Variants in MMEL1 observed in about 807,000 individuals in gnomAD.
MMEL1 encodes the protein membrane metalloendopeptidase like 1.
Under a neutral mutation model 117.1 loss-of-function variants are expected in MMEL1, and 98 were observed. The ratio of observed to expected loss-of-function variants is 0.84; its 90% CI spans 0.71 to 0.99. The LOEUF is 0.99. Ranked by LOEUF, MMEL1 falls within the 50% of genes least tolerant of loss-of-function variation. MMEL1 has a pLI of 0.00. For missense variants in MMEL1, 1,014 were observed against 1,049.1 expected, an observed-to-expected ratio of 0.97 and a Z score of 0.46; for synonymous variants, 390 against 415.1, an observed-to-expected ratio of 0.94 and a Z score of 0.74.
intron 2 of MMEL1, among the ~76,000 whole-genome samples, chr1:2,617,735 C>T (rs900028777): frequency 5.9e-5 from 9 of 152,150 alleles, no homozygotes; most frequent in Non-Finnish European, 8.8e-5. Context: ...TACTGGCATT[C>T]GACAGCTCTG....
At position 2,593,795 on chromosome 1, in the gene MMEL1, T is replaced by C. The variant is rs757001507; in HGVS notation, c.1867+19A>G. 8 of 1,585,538 alleles carry C rather than the reference T, an allele frequency of 5.0e-6. No homozygotes were observed. Among genetic ancestry groups the C allele is most frequent in the Non-Finnish European group, 6.9e-6 (8 of 1,163,094 alleles). On this transcript the variant is annotated intron_variant, in intron 19 of 23. Coordinates refer to ENST00000378412, the MANE Select transcript of MMEL1 (RefSeq NM_033467.4). ...GCGGAGAGGGGAGGGCGTGTGTGAT[T>C]GGAGGGGCGGCCGCTCACCATTGTC...
intron 12 of MMEL1, 119 bp downstream of exon 12, chr1:2,598,535 A>C (rs1307208334): frequency 6.7e-7 from 1 of 1,496,398 alleles, no homozygotes; most frequent in African/African-American, 1.4e-5. Context: ...CTCATGTCCC[A>C]CACCCCTCAG....
At chr1:2,630,580 T>G (rs1045362877) in intron 1 of MMEL1, among the ~76,000 whole-genome samples, 2 of 126,036 alleles carry the variant, frequency 1.6e-5, no homozygotes, top group African/African-American at 5.2e-5. Context: ...TGTGAGTGAG[T>G]GTGCACGTGT....
At chr1:2,607,447 G>T (rs10910106) in intron 6 of MMEL1, among the ~76,000 whole-genome samples, 58,392 of 149,480 alleles carry the variant, frequency 0.39, 12,070 homozygotes, top group East Asian at 0.51. Flanking sequence ...CCAAGCCTCG[G>T]CGAGGACTCA....
At chr1:2,591,291 A>C in intron 23 of MMEL1, 1 of 595,482 alleles carries the variant, frequency 1.7e-6, no homozygotes, top group East Asian at 2.8e-5. Context: ...CTCCAGCCAG[A>C]GATATTCCAA....
At chr1:2,591,671 G>T in intron 22 of MMEL1, 38 bp from the exon 23 acceptor site, 1 of 1,545,372 alleles carries the variant, frequency 6.5e-7, no homozygotes, top group Non-Finnish European at 8.9e-7. Context: ...AGGTGGCGTG[G>T]TGGGGTGGCC....
intron 2 of MMEL1, among the ~76,000 whole-genome samples, chr1:2,629,028 CGGCGGAGGCGGA>C (rs540228927): frequency 0.012 from 1,787 of 151,680 alleles, 39 homozygotes; most frequent in African/African-American, 0.039. Context: ...TCCGGGAGTC[CGGCGGAGGCGGA>C]GGCGGAGGCG....
chr1:2,626,495 G>A (rs1338590750), intron 2 of MMEL1, among the ~76,000 whole-genome samples: 5 of 152,248 alleles, frequency 3.3e-5, no homozygotes, highest in African/African-American at 1.2e-4. Flanking sequence ...GTCCTAGCAG[G>A]AAAGTAGCCA....
At chr1:2,629,579 C>CT (rs772584652) in intron 1 of MMEL1, 58 bp from the exon 2 acceptor site, 3 of 1,358,854 alleles carry the variant, frequency 2.2e-6, no homozygotes, top group Non-Finnish European at 2.8e-6. Context: ...GAGCCCGGCC[C>CT]GAGGCTGGAA....
In MMEL1 at chr1:2,603,907, G is replaced by A. The variant is rs1644975000; in HGVS notation, c.1018C>T (p.Leu340=). The change falls in exon 11 of 24, where the codon CTG becomes TTG. Residue 340 remains leucine (L), a synonymous_variant. Transcript: ENST00000378412. ...ALYHRMGLEE[L]QSQFGLKGFN... ...ACCTTCAGGCCAAACTGGCTTTGCA[G>A]CTCCTCCAGTCCCATCCGGTGGTAC... The A allele has an allele frequency of 6.2e-7, 1 of 1,613,676 alleles. No individual in the cohort carries two copies. Among genetic ancestry groups the A allele is most frequent in the Non-Finnish European group, 8.5e-7 (1 of 1,179,998 alleles).
At chr1:2,615,902 G>T (rs560398183) in intron 2 of MMEL1, among the ~76,000 whole-genome samples, 1 of 152,132 alleles carries the variant, frequency 6.6e-6, no homozygotes, top group South Asian at 2.1e-4. Flanking sequence ...GTTGGTAAAA[G>T]ATATAAATCT....
At position 2,604,238 on chromosome 1, in the gene MMEL1, A is replaced by G. The variant is rs756660910; in HGVS notation, c.860T>C (p.Leu287Ser). 1 of 1,612,106 alleles carries G rather than the reference A, an allele frequency of 6.2e-7. No individual in the cohort carries two copies. Among genetic ancestry groups the G allele is most frequent in the African/African-American group, 1.3e-5 (1 of 74,884 alleles). ...YLQFMVSVAT[L>S]LREDANLPRD... ...GGGCAGGTTTGCATCCTCCCGCAGC[A>G]ACGTGGCCACTGACACCATGAACTG... The change falls in exon 10 of 24, where the codon TTG becomes TCG. Residue 287 changes from leucine to serine, a missense_variant. Transcript: ENST00000378412.
intron 1 of MMEL1, among the ~76,000 whole-genome samples, chr1:2,632,051 C>G (rs1254872994): frequency 2.6e-5 from 4 of 152,162 alleles, no homozygotes; most frequent in African/African-American, 9.7e-5. Flanking sequence ...CTCACTATGC[C>G]CTCCCCTTAC....
chr1:2,624,772 G>T (rs2100964722), intron 2 of MMEL1, among the ~76,000 whole-genome samples: 1 of 152,294 alleles, frequency 6.6e-6, no homozygotes, highest in East Asian at 1.9e-4. Context: ...CTGCTAGAAA[G>T]AACTACCTGA....
At chr1:2,596,150 G>A in intron 14 of MMEL1, 43 bp from the exon 15 acceptor site, 2 of 1,558,748 alleles carry the variant, frequency 1.3e-6, no homozygotes, top group Non-Finnish European at 1.8e-6. Context: ...CTCATCTGGA[G>A]GGCGAATGAC....
At chr1:2,597,637 G>A (rs1381249012) in intron 13 of MMEL1, among the ~76,000 whole-genome samples, 2 of 152,126 alleles carry the variant, frequency 1.3e-5, no homozygotes, top group East Asian at 3.8e-4. Flanking sequence ...TCCCCCTAGG[G>A]CCTCCCTGCG....
chr1:2,613,178 G>A lies in MMEL1; in HGVS notation c.155-974C>T, dbSNP rs537707433. Reference sequence around the variant, plus strand: ...CCAGCCCTCAAGGAGCCCCCCGCCCGGTGGAAACAGGGAGAAAGTGCCGCA... The same window carrying A: ...CCAGCCCTCAAGGAGCCCCCCGCCCAGTGGAAACAGGGAGAAAGTGCCGCA... On this transcript the variant is annotated intron_variant, in intron 2 of 23. Transcript: ENST00000378412. 2.9e-4 allele frequency among the ~76,000 whole-genome samples: 44 copies of A among 152,336 alleles called. 1 individual carries two copies. In the South Asian group the frequency reaches 7.0e-3, roughly 24 times the overall value.
rs374051777 is a variant in MMEL1 at position 2,594,460 on chromosome 1, G to C, written c.1689-17C>G. On this transcript the variant is annotated splice_polypyrimidine_tract_variant and intron_variant, in intron 17 of 23. Transcript: ENST00000378412. ...ATGATCCAGCTGTGATAGACAAGCC[G>C]GTCTCTGGGAGCCGCCTCTCCGGGG... is the stretch of plus-strand genomic sequence containing the variant. The C allele has an allele frequency of 2.0e-5, 31 of 1,551,270 alleles. No individual in the cohort carries two copies. The highest frequency in any genetic ancestry group is 2.7e-5 in the Non-Finnish European group (31 of 1,146,962).
chr1:2,600,992 G>A (rs137927622), intron 11 of MMEL1, among the ~76,000 whole-genome samples: 80 of 139,106 alleles, frequency 5.8e-4, no homozygotes, highest in African/African-American at 1.9e-3. Context: ...TTCATGGATT[G>A]GAAGACTCAG....
Sources: gnomAD v4.1 joint callset for allele counts (sites outside exome capture counted in the v4.1 genomes callset) on GRCh38, gnomAD v4.1.1 for gene constraint, MANE v1.5 for transcripts, NCBI Gene and HGNC (gene_info 2026-07-23, HGNC 2026-07-21) for gene names.